The following SSH2 variants were observed in gnomAD, a reference collection of about 807,000 sequenced individuals.
The protein encoded by SSH2 is protein phosphatase Slingshot homolog 2.
In SSH2, 37 loss-of-function variants were observed where a neutral mutation model predicts 135.2. The ratio of observed to expected loss-of-function variants is 0.27; its 90% CI spans 0.21 to 0.36. SSH2 has a LOEUF of 0.36. Ranked by LOEUF, SSH2 falls within the 10% of genes least tolerant of loss-of-function variation. The pLI is 1.00. For synonymous variants in SSH2, 628 were observed against 646.2 expected (o/e 0.97, Z 0.43); for missense variants, 1,408 against 1,765.3 (o/e 0.80, Z 3.63).
chr17:29,894,050 G>A (rs868220372), intron 1 of SSH2, among the ~76,000 whole-genome samples: 5 of 151,868 alleles, frequency 3.3e-5, no homozygotes, highest in Admixed American at 6.6e-5. Flanking sequence ...CTCATGTTAC[G>A]TTCTCCATAA....
At chr17:29,688,518 G>C (rs1383870057) in intron 5 of SSH2, among the ~76,000 whole-genome samples, 5 of 151,930 alleles carry the variant, frequency 3.3e-5, no homozygotes, top group Non-Finnish European at 7.4e-5. Context: ...CTGTTACCCA[G>C]GCTGGAATGC....
intron 14 of SSH2, among the ~76,000 whole-genome samples, chr17:29,647,135 A>G (rs892793441): frequency 2.0e-5 from 3 of 151,640 alleles, no homozygotes; most frequent in Non-Finnish European, 2.9e-5. Flanking sequence ...GGTGGCGGGC[A>G]CCTGTAGTCC....
At chr17:29,704,206 T>G (rs1249522381) in intron 3 of SSH2, among the ~76,000 whole-genome samples, 5 of 152,184 alleles carry the variant, frequency 3.3e-5, no homozygotes, top group African/African-American at 1.2e-4. Context: ...CTACTAGTAA[T>G]AGGTCCAAAG....
intron 8 of SSH2, among the ~76,000 whole-genome samples, chr17:29,672,662 C>T (rs2037541669): frequency 1.3e-5 from 2 of 152,214 alleles, no homozygotes; most frequent in South Asian, 4.1e-4. Flanking sequence ...CCTTAGTCTC[C>T]TAGTCTCTTT....
intron 3 of SSH2, among the ~76,000 whole-genome samples, chr17:29,745,796 T>C (rs1016972537): frequency 2.6e-5 from 4 of 151,266 alleles, no homozygotes; most frequent in Non-Finnish European, 5.9e-5. Flanking sequence ...TTAATCCTCA[T>C]AGGTATTATA....
At chr17:29,702,903 G>T in intron 4 of SSH2, 56 bp downstream of exon 4, 5 of 1,304,564 alleles carry the variant, frequency 3.8e-6, no homozygotes, top group Non-Finnish European at 5.6e-6. Context: ...CAACCTTTTA[G>T]AATGTAACAA....
Position 29,853,417 on chromosome 17 carries a change from G to A in SSH2, c.64-4488C>T, listed in dbSNP as rs1339091479. 2.0e-5 allele frequency among the ~76,000 whole-genome samples: 3 copies of A among 151,900 alleles called. No homozygotes were observed. In the East Asian group the frequency reaches 5.8e-4, roughly 29 times the overall value. On this transcript the variant is annotated intron_variant, in intron 1 of 15. Coordinates refer to ENST00000540801, the MANE Select transcript of SSH2 (RefSeq NM_001282129.2). ...GCTTAATTATACATAGCAACTCTCA[G>A]TGGTAGGCCTTTACCTCAACCTTGT...
intron 3 of SSH2, among the ~76,000 whole-genome samples, chr17:29,709,050 A>AGAGC (rs1555617863): frequency 2.1e-5 from 3 of 145,620 alleles, no homozygotes; most frequent in African/African-American, 2.6e-5. Flanking sequence ...AGAGAGAGAG[A>AGAGC]GAGCTAATAA....
intron 5 of SSH2, among the ~76,000 whole-genome samples, chr17:29,689,963 G>A (rs969151815): frequency 1.3e-4 from 17 of 127,246 alleles, no homozygotes; most frequent in African/African-American, 4.9e-4. Context: ...GCAATAAGCC[G>A]AGAACACACC....
intron 11 of SSH2, among the ~76,000 whole-genome samples, chr17:29,660,558 C>G (rs1042287816): frequency 5.3e-5 from 8 of 152,108 alleles, no homozygotes; most frequent in Non-Finnish European, 1.0e-4. Context: ...AGCCACTGTG[C>G]CTGGCCAACC....
intron 1 of SSH2, among the ~76,000 whole-genome samples, chr17:29,892,591 T>C (rs2066370546): frequency 6.6e-6 from 1 of 152,136 alleles, no homozygotes; most frequent in Admixed American, 6.6e-5. Flanking sequence ...TTAAGCTCAT[T>C]AACATTGTCT....
chr17:29,709,043 G>C (rs1428563194), intron 3 of SSH2, among the ~76,000 whole-genome samples: 1 of 147,634 alleles, frequency 6.8e-6, no homozygotes, highest in Non-Finnish European at 1.5e-5. Context: ...GAGAGAGAGA[G>C]AGAGAGAGAG....
At chr17:29,722,698 T>A (rs886868019) in intron 3 of SSH2, among the ~76,000 whole-genome samples, 5 of 152,236 alleles carry the variant, frequency 3.3e-5, no homozygotes, top group Admixed American at 3.3e-4. Context: ...GTTATTATAC[T>A]GTGTTTTCAG....
intron 11 of SSH2, among the ~76,000 whole-genome samples, chr17:29,658,392 T>C (rs556719416): frequency 2.0e-5 from 3 of 151,552 alleles, no homozygotes; most frequent in African/African-American, 7.3e-5. Flanking sequence ...TTGTGCGCTA[T>C]AGCCTTGAAC....
chr17:29,736,370 C>T (rs576017541), intron 3 of SSH2, among the ~76,000 whole-genome samples: 14 of 152,266 alleles, frequency 9.2e-5, no homozygotes, highest in Admixed American at 3.3e-4. Context: ...AATCTAAGAT[C>T]TTATGCAGAA....
At chr17:29,710,171 C>T (rs1280032402) in intron 3 of SSH2, among the ~76,000 whole-genome samples, 1 of 152,170 alleles carries the variant, frequency 6.6e-6, no homozygotes, top group Non-Finnish European at 1.5e-5. Flanking sequence ...AACTGCTGAA[C>T]GTCAGTTGGA....
intron 3 of SSH2, among the ~76,000 whole-genome samples, chr17:29,748,696 TAAAA>T (rs895141878): frequency 6.6e-6 from 1 of 151,918 alleles, no homozygotes; most frequent in Non-Finnish European, 1.5e-5. Context: ...ATGTGAGTGG[TAAAA>T]AAAATTCATA....
intron 3 of SSH2, among the ~76,000 whole-genome samples, chr17:29,760,097 G>C (rs962163994): frequency 6.6e-6 from 1 of 152,100 alleles, no homozygotes; most frequent in Non-Finnish European, 1.5e-5. Context: ...AGTTTAATTC[G>C]ATTTGGTAGG....
intron 2 of SSH2, among the ~76,000 whole-genome samples, chr17:29,836,778 T>C (rs1052188462): frequency 2.6e-5 from 4 of 152,182 alleles, no homozygotes; most frequent in Admixed American, 1.3e-4. Flanking sequence ...ACAGAAAATA[T>C]ACAAAAGGCA....
Sources: allele counts gnomAD v4.1 joint callset (sites outside exome capture counted in the v4.1 genomes callset), GRCh38; gene constraint gnomAD v4.1.1; transcripts MANE v1.5; gene names NCBI Gene and HGNC (gene_info 2026-07-23, HGNC 2026-07-21).